NFYC: variants seen among roughly 807,000 people sequenced by gnomAD.
NFYC encodes the protein nuclear transcription factor Y subunit gamma.
Under a neutral mutation model 53.1 loss-of-function variants are expected in NFYC, and 25 were observed. The observed-to-expected ratio is 0.47, with a 90% confidence interval of 0.34 to 0.66. The LOEUF (loss-of-function observed/expected upper bound fraction) is 0.66. Among genes scored for constraint, NFYC ranks in the 30% least tolerant of loss-of-function variants. The probability of loss-of-function intolerance (pLI) is 0.01; values close to 1 mark genes in which losing one functional copy is unlikely to be tolerated. For missense variants in NFYC, 260 were observed against 422.7 expected, an observed-to-expected ratio of 0.62 and a Z score of 3.38; for synonymous variants, 145 against 152.6, an observed-to-expected ratio of 0.95 and a Z score of 0.37.
intron 5 of NFYC, chr1:40,757,182 G>T: frequency 3.7e-6 from 1 of 266,966 alleles, no homozygotes; most frequent in African/African-American, 2.2e-5. Flanking sequence ...TGTTTTTGTT[G>T]TCCCAGGCAG....
chr1:40,749,569 A>C lies in NFYC; in HGVS notation c.178-4A>C, dbSNP rs368356770. ...TTGACAGGGAGGGCCTGTGTCTGTTACAGATGATCAGTGCAGAAGCGCCTG... is the reference window on the plus strand; with the variant it reads ...TTGACAGGGAGGGCCTGTGTCTGTTCCAGATGATCAGTGCAGAAGCGCCTG... On this transcript the variant is annotated splice_polypyrimidine_tract_variant and splice_region_variant and intron_variant, in intron 3 of 9. Transcript: ENST00000447388. 20 of 1,611,828 alleles carry C rather than the reference A, an allele frequency of 1.2e-5. No homozygotes were observed. The highest frequency in any genetic ancestry group is 1.7e-5 in the Non-Finnish European group (20 of 1,178,046).
intron 1 of NFYC, among the ~76,000 whole-genome samples, chr1:40,701,635 A>G (rs767500800): frequency 3.3e-5 from 5 of 152,174 alleles, no homozygotes; most frequent in East Asian, 3.8e-4. Context: ...TTGCATTTGC[A>G]TGTGTTGTAA....
chr1:40,759,126 C>T (rs1415157093), intron 6 of NFYC, among the ~76,000 whole-genome samples: 1 of 151,870 alleles, frequency 6.6e-6, no homozygotes, highest in Non-Finnish European at 1.5e-5. Flanking sequence ...AATCCCAACA[C>T]TTTGGGAGGC....
chr1:40,715,126 G>A (rs1171982695), intron 1 of NFYC, among the ~76,000 whole-genome samples: 1 of 114,004 alleles, frequency 8.8e-6, no homozygotes, highest in Non-Finnish European at 1.8e-5. Context: ...TAATTTGGCT[G>A]GGTGTGGTGG....
At chr1:40,740,285 A>G (rs1293447339) in intron 2 of NFYC, among the ~76,000 whole-genome samples, 1 of 152,210 alleles carries the variant, frequency 6.6e-6, no homozygotes, top group African/African-American at 2.4e-5. Context: ...TCACTCAACA[A>G]ATACTTATTA....
chr1:40,770,227 G>C lies in NFYC; in HGVS notation c.889-482G>C. On this transcript the variant is annotated intron_variant, in intron 9 of 9. Coordinates refer to ENST00000447388, the MANE Select transcript of NFYC (RefSeq NM_014223.5). This position sits in a 1 kb window ranked among gnomAD's most constrained non-coding sequence, Gnocchi z 5.3. ...AGGCCACCTCCTTAGCAGGGTCCAT[G>C]GAGAAAATTCAAATTCAGTTTAGTT... 1 of 690,302 alleles carries C rather than the reference G, an allele frequency of 1.4e-6. No homozygotes were observed. Among genetic ancestry groups the C allele is most frequent in the Non-Finnish European group, 2.4e-6 (1 of 419,458 alleles). 42.8% of individuals were successfully genotyped at this position (690,302 alleles called of 1,614,324 possible). A position where few individuals can be genotyped will look rare whatever the true frequency, so the allele number is the denominator to read the frequency against.
At chr1:40,766,224 C>T (rs1646803823) in intron 7 of NFYC, 1 of 192,158 alleles carries the variant, frequency 5.2e-6, no homozygotes, top group South Asian at 1.0e-4. Flanking sequence ...AAGAGGCCCA[C>T]ACTTAATGTA....
At chr1:40,753,903 C>CT (rs1179679365) in intron 5 of NFYC, among the ~76,000 whole-genome samples, 5 of 152,186 alleles carry the variant, frequency 3.3e-5, no homozygotes, top group Non-Finnish European at 7.3e-5. Context: ...GCCTTCCCGT[C>CT]TCTTCTGCCT....
chr1:40,706,772 C>CCACT (rs1466721098), intron 1 of NFYC, among the ~76,000 whole-genome samples: 1 of 152,186 alleles, frequency 6.6e-6, no homozygotes, highest in Non-Finnish European at 1.5e-5. Context: ...TCTTTGACTA[C>CCACT]CACTGGTAGA....
At chr1:40,767,603 A>G (rs1646883447) in intron 8 of NFYC, among the ~76,000 whole-genome samples, 1 of 152,070 alleles carries the variant, frequency 6.6e-6, no homozygotes, top group African/African-American at 2.4e-5. Flanking sequence ...TTAACCTCAT[A>G]AGATTCTTCC....
intron 7 of NFYC, among the ~76,000 whole-genome samples, chr1:40,763,709 T>G (rs1231193090): frequency 6.6e-6 from 1 of 152,232 alleles, no homozygotes; most frequent in Non-Finnish European, 1.5e-5. Flanking sequence ...ATATGCCCAG[T>G]GTTCCTGACC....
intron 1 of NFYC, among the ~76,000 whole-genome samples, chr1:40,699,504 C>A (rs369244528): frequency 6.6e-6 from 1 of 152,148 alleles, no homozygotes; most frequent in Non-Finnish European, 1.5e-5. Context: ...TATTACTGTA[C>A]CCTGAAAGTA....
At position 40,757,183 on chromosome 1, in the gene NFYC, T is replaced by C. The variant is rs1646271684; in HGVS notation, c.388-938T>C. On this transcript the variant is annotated intron_variant, in intron 5 of 9. Transcript: ENST00000447388. ...TTCTGTGTTTTTATTGTTTTTGTTG[T>C]CCCAGGCAGGGGCACCATGTGTCAC... is the stretch of plus-strand genomic sequence containing the variant. The C allele has an allele frequency of 5.9e-5, 16 of 272,384 alleles. No individual in the cohort carries two copies. In the South Asian group the frequency reaches 6.2e-4, roughly 11 times the overall value. 16.9% of individuals were successfully genotyped at this position (272,384 alleles called of 1,614,324 possible).
intron 1 of NFYC, among the ~76,000 whole-genome samples, chr1:40,737,611 G>A (rs2148598688): frequency 6.6e-6 from 1 of 152,224 alleles, no homozygotes; most frequent in South Asian, 2.1e-4. Context: ...TTACAGGCAT[G>A]AGCCACCGCA....
At chr1:40,694,168 C>A (rs1417635952) in intron 1 of NFYC, among the ~76,000 whole-genome samples, 1 of 152,238 alleles carries the variant, frequency 6.6e-6, no homozygotes, top group Non-Finnish European at 1.5e-5. Flanking sequence ...AAAGAGCTCA[C>A]TGGAGAGGTT....
At chr1:40,736,820 C>CAAA (rs71060396) in intron 1 of NFYC, among the ~76,000 whole-genome samples, 671 of 63,598 alleles carry the variant, frequency 0.011, 13 homozygotes, top group African/African-American at 0.036. Context: ...AAACTTATTC[C>CAAA]AAAAAAAAAA....
intron 9 of NFYC, among the ~76,000 whole-genome samples, chr1:40,769,862 A>G (rs1449417435): frequency 3.3e-5 from 5 of 152,102 alleles, no homozygotes; most frequent in African/African-American, 9.7e-5. Context: ...AAATTCAGTC[A>G]TTTTCAGTCC....
chr1:40,705,252 C>A (rs1643638647), intron 1 of NFYC, among the ~76,000 whole-genome samples: 1 of 152,216 alleles, frequency 6.6e-6, no homozygotes, highest in Non-Finnish European at 1.5e-5. Context: ...AATTAGTAAT[C>A]AGCGAGGTTG....
intron 4 of NFYC, among the ~76,000 whole-genome samples, chr1:40,750,994 G>C (rs964285460): frequency 2.6e-5 from 4 of 152,158 alleles, no homozygotes; most frequent in African/African-American, 9.7e-5. Context: ...GACATTTTCT[G>C]ATAAACATAT....
Sources: allele counts gnomAD v4.1 joint callset (sites outside exome capture counted in the v4.1 genomes callset), GRCh38; gene constraint gnomAD v4.1.1; non-coding constraint Gnocchi (gnomAD v3.1); transcripts MANE v1.5; gene names NCBI Gene and HGNC (gene_info 2026-07-23, HGNC 2026-07-21).